The following VPS53 variants were observed in gnomAD, a reference collection of about 807,000 sequenced individuals.
VPS53 encodes vacuolar protein sorting-associated protein 53 homolog.
In VPS53, 70 loss-of-function variants were observed where a neutral mutation model predicts 107.0. The observed-to-expected ratio is 0.65, with a 90% CI of 0.54 to 0.80. VPS53 has a LOEUF of 0.80. VPS53 is among the 30% of genes least tolerant of loss of function. The pLI, the probability that VPS53 is intolerant of heterozygous loss-of-function variation, is 0.00. For missense variants in VPS53, 917 were observed against 1,049.4 expected, an observed-to-expected ratio of 0.87 and a Z score of 1.74; for synonymous variants, 409 against 393.3, an observed-to-expected ratio of 1.04 and a Z score of -0.47.
At chr17:665,810 C>A (rs940874014) in intron 4 of VPS53, among the ~76,000 whole-genome samples, 1 of 152,072 alleles carries the variant, frequency 6.6e-6, no homozygotes, top group African/African-American at 2.4e-5. Flanking sequence ...TTCAAGACAG[C>A]CTGGCCAACA....
intron 13 of VPS53, among the ~76,000 whole-genome samples, chr17:572,869 G>A (rs1354446792): frequency 6.6e-6 from 1 of 151,022 alleles, no homozygotes; most frequent in Non-Finnish European, 1.5e-5. Flanking sequence ...CTAATCTCAA[G>A]TACCCAGGGA....
At chr17:686,862 C>T (rs914790641) in intron 4 of VPS53, among the ~76,000 whole-genome samples, 7 of 152,172 alleles carry the variant, frequency 4.6e-5, no homozygotes, top group Admixed American at 3.9e-4. Context: ...TACATTTATT[C>T]TAGGCCAGAT....
intron 19 of VPS53, among the ~76,000 whole-genome samples, chr17:528,159 G>T (rs1003625042): frequency 5.3e-5 from 8 of 152,090 alleles, no homozygotes; most frequent in African/African-American, 1.9e-4. Flanking sequence ...TGGTTTTTAA[G>T]GTCTATTCAC....
At chr17:557,902 C>T (rs1343854965) in intron 15 of VPS53, among the ~76,000 whole-genome samples, 1 of 149,894 alleles carries the variant, frequency 6.7e-6, no homozygotes, top group Non-Finnish European at 1.5e-5. Context: ...CTCTGTCACC[C>T]AGGCTGGAGT....
intron 19 of VPS53, among the ~76,000 whole-genome samples, chr17:526,317 T>C (rs960474924): frequency 6.6e-6 from 1 of 152,240 alleles, no homozygotes; most frequent in Non-Finnish European, 1.5e-5. Flanking sequence ...TAAATAATTG[T>C]ACAGTCTTAA....
At position 520,050 on chromosome 17, in the gene VPS53, C is replaced by T; in HGVS notation, c.2224-120G>A. 4 of 669,248 alleles carry T rather than the reference C, an allele frequency of 6.0e-6. No individual in the cohort carries two copies. The highest frequency in any genetic ancestry group is 1.0e-5 in the Non-Finnish European group (4 of 384,226). The allele number at this position is 669,248 out of a possible 1,614,324, so 41.5% of individuals were successfully genotyped here. On this transcript the variant is annotated intron_variant, in intron 20 of 21. Transcript: ENST00000437048. This position sits in a 1 kb window ranked among gnomAD's most constrained non-coding sequence, Gnocchi z 4.4. ...CAGGAGGAGACGGGAGCGGGCCCTT[C>T]AGGAAAACTCACTCCTCACTTGCCC...
rs578148698 is a variant in VPS53, at chr17:629,912, C to T, written c.687+1638G>A. On this transcript the variant is annotated intron_variant, in intron 8 of 21. Coordinates refer to ENST00000437048, the MANE Select transcript of VPS53 (RefSeq NM_001128159.3). ...GAGAACCATTTTAATTTCATCTGCC[C>T]GGTGGAATCTGGGAAAAAAAATATA... is the stretch of plus-strand genomic sequence containing the variant. Among the ~76,000 whole-genome samples the T allele has an allele frequency of 2.6e-4, 40 of 151,456 alleles. No individual in the cohort carries two copies. In the South Asian group the frequency reaches 3.3e-3, roughly 13 times the overall value.
rs780550341 is a variant in VPS53, at chr17:631,621, C to A, written c.616G>T (p.Ala206Ser). The A allele has an allele frequency of 6.8e-6, 11 of 1,613,870 alleles. No individual in the cohort carries two copies. In the African/African-American group the frequency reaches 1.2e-4, roughly 18 times the overall value. Residue 206 changes from alanine (A) to serine (S), a missense_variant, in exon 8 of 22, where the codon GCT becomes TCT. Ala to Ser is a moderately conservative substitution (Grantham distance 99). Coordinates refer to ENST00000437048, the MANE Select transcript of VPS53 (RefSeq NM_001128159.3). Reference protein sequence around the residue: ...QIRQLSERVKAAQTELGQQIL... With the variant: ...QIRQLSERVKSAQTELGQQIL... Reference sequence around the variant, plus strand: ...TGCTGTCCTAACTCAGTCTGTGCAGCCTTCACTCTGTGAGGAAGAGAGAAC... The same window carrying A: ...TGCTGTCCTAACTCAGTCTGTGCAGACTTCACTCTGTGAGGAAGAGAGAAC...
intron 5 of VPS53, among the ~76,000 whole-genome samples, chr17:658,894 G>A (rs1438120640): frequency 6.6e-6 from 1 of 152,166 alleles, no homozygotes; most frequent in Non-Finnish European, 1.5e-5. Context: ...ACTCATACAG[G>A]TTACGACCTG....
chr17:549,904 C>T (rs1179960122), intron 17 of VPS53, among the ~76,000 whole-genome samples: 4 of 152,196 alleles, frequency 2.6e-5, no homozygotes, highest in South Asian at 2.1e-4. Context: ...TAGGACTTGC[C>T]ACTTCAGTTC....
chr17:528,909 A>G (rs1909316961), intron 19 of VPS53, among the ~76,000 whole-genome samples: 1 of 151,956 alleles, frequency 6.6e-6, no homozygotes, highest in African/African-American at 2.4e-5. Flanking sequence ...TTTTCAATTC[A>G]TTTGGGTATA....
chr17:571,368 T>C (rs986176303), intron 13 of VPS53, among the ~76,000 whole-genome samples: 1 of 152,148 alleles, frequency 6.6e-6, no homozygotes, highest in Non-Finnish European at 1.5e-5. Context: ...GGGAGATAAC[T>C]ATTAATGAGG....
intron 3 of VPS53, among the ~76,000 whole-genome samples, chr17:698,725 A>C (rs768560506): frequency 6.6e-6 from 1 of 151,634 alleles, no homozygotes; most frequent in African/African-American, 2.4e-5. Flanking sequence ...GAAAAAAAGA[A>C]AAAAAAAATC....
At chr17:694,202 A>T (rs1972868613) in intron 4 of VPS53, among the ~76,000 whole-genome samples, 1 of 152,228 alleles carries the variant, frequency 6.6e-6, no homozygotes, top group Non-Finnish European at 1.5e-5. Context: ...AGACGAATAC[A>T]AAGTTCCATC....
chr17:534,790 C>T (rs906551352), intron 18 of VPS53, among the ~76,000 whole-genome samples: 1 of 151,966 alleles, frequency 6.6e-6, no homozygotes, highest in African/African-American at 2.4e-5. Flanking sequence ...GGGTGGCGAG[C>T]GCCTGTAATC....
intron 1 of VPS53, 110 bp from the exon 2 acceptor site, chr17:710,723 T>C (rs900570533): frequency 1.3e-6 from 1 of 746,764 alleles, no homozygotes; most frequent in Non-Finnish European, 2.1e-6. Flanking sequence ...CTCATGCCTG[T>C]AATCACAGCA....
intron 18 of VPS53, among the ~76,000 whole-genome samples, chr17:536,110 C>T (rs953134092): frequency 1.3e-5 from 2 of 152,120 alleles, no homozygotes; most frequent in African/African-American, 4.8e-5. Flanking sequence ...AGATGGTGAT[C>T]GGCAAAGAAC....
chr17:694,076 GA>G (rs147653104), intron 4 of VPS53, among the ~76,000 whole-genome samples: 1 of 148,116 alleles, frequency 6.8e-6, no homozygotes, highest in Non-Finnish European at 1.5e-5. Context: ...GAGCTCCTTG[GA>G]AAAAAAAAAG....
intron 4 of VPS53, among the ~76,000 whole-genome samples, chr17:692,134 C>T (rs889091858): frequency 2.5e-4 from 38 of 152,150 alleles, no homozygotes; most frequent in African/African-American, 8.9e-4. Flanking sequence ...AGCTTACTGA[C>T]GACCGGTCAA....
Sources: allele counts gnomAD v4.1 joint callset (sites outside exome capture counted in the v4.1 genomes callset), GRCh38; gene constraint gnomAD v4.1.1; non-coding constraint Gnocchi (gnomAD v3.1); transcripts MANE v1.5; gene names NCBI Gene and HGNC (gene_info 2026-07-23, HGNC 2026-07-21).